ABCC11: variants seen among roughly 807,000 people sequenced by gnomAD.
The protein encoded by ABCC11 is ATP-binding cassette sub-family C member 11.
A neutral mutation model predicts 149.3 loss-of-function variants in ABCC11; 135 were observed. The observed-to-expected ratio is 0.90, with a 90% confidence interval of 0.79 to 1.04. The LOEUF (loss-of-function observed/expected upper bound fraction) is 1.04. Among genes scored for constraint, ABCC11 ranks in the 50% least tolerant of loss-of-function variants. The pLI is 0.00. For missense variants in ABCC11, 1,680 were observed against 1,722.1 expected, an observed-to-expected ratio of 0.98 and a Z score of 0.43; for synonymous variants, 665 against 671.4, an observed-to-expected ratio of 0.99 and a Z score of 0.15.
At chr16:48,167,761 G>A in intron 28 of ABCC11, 101 bp from the exon 29 acceptor site, 4 of 1,337,402 alleles carry the variant, frequency 3.0e-6, no homozygotes, top group Non-Finnish European at 4.1e-6. Context: ...TTCCTCTCCA[G>A]GTCTCCATTT....
chr16:48,227,069 C>T (rs572705083), intron 4 of ABCC11, among the ~76,000 whole-genome samples: 38 of 152,306 alleles, frequency 2.5e-4, no homozygotes, highest in African/African-American at 7.9e-4. Context: ...AACTAGTTAG[C>T]GGTGGCTTGA....
intron 17 of ABCC11, among the ~76,000 whole-genome samples, chr16:48,197,138 A>G (rs189536715): frequency 1.9e-3 from 293 of 152,308 alleles, no homozygotes; most frequent in African/African-American, 6.7e-3. Flanking sequence ...CAGCCTAGGC[A>G]ACATGGTGAA....
chr16:48,226,105 C>T (rs1970053133), intron 4 of ABCC11, among the ~76,000 whole-genome samples: 1 of 127,660 alleles, frequency 7.8e-6, no homozygotes, highest in African/African-American at 3.3e-5. Flanking sequence ...GAAATGGAGT[C>T]TCACTCTGTC....
At position 48,184,606 on chromosome 16, in the gene ABCC11, G is replaced by A. The variant is rs1335954608; in HGVS notation, c.3092C>T (p.Ala1031Val). 9.9e-6 allele frequency: 16 copies of A among 1,613,950 alleles called. No individual in the cohort carries two copies. The highest frequency in any genetic ancestry group is 2.7e-5 in the African/African-American group (2 of 74,926). ...FISQFKRLTD[A>V]QNNYLLLFLS... ...AAACAACAGCAGGTAGTTATTCTGC[G>A]CATCAGTCAGCCTCTTAAACCTGAG... The change falls in exon 23 of 30, where the codon GCG (alanine) becomes GTG (valine). Residue 1031 changes from alanine to valine, a missense_variant. By Grantham distance (64) the Ala-to-Val change is moderately conservative. Coordinates refer to ENST00000356608, the MANE Select transcript of ABCC11 (RefSeq NM_001370497.1).
intron 1 of ABCC11, among the ~76,000 whole-genome samples, chr16:48,246,883 T>C (rs112800343): frequency 0.015 from 2,248 of 152,256 alleles, 61 homozygotes; most frequent in African/African-American, 0.052. Flanking sequence ...AGGTTTTTAA[T>C]TTATTTTATG....
intron 1 of ABCC11, among the ~76,000 whole-genome samples, chr16:48,235,506 C>T (rs1261359754): frequency 6.6e-6 from 1 of 152,200 alleles, no homozygotes; most frequent in Non-Finnish European, 1.5e-5. Flanking sequence ...GTTTGCAGAA[C>T]ATCAGTCGCT....
At chr16:48,231,508 TA>T (rs1439905444) in intron 2 of ABCC11, among the ~76,000 whole-genome samples, 1 of 151,550 alleles carries the variant, frequency 6.6e-6, no homozygotes, top group African/African-American at 2.4e-5. Flanking sequence ...GTGAAAAATT[TA>T]AAAATTAGCT....
chr16:48,207,192 G>A (rs1035405472), intron 12 of ABCC11, among the ~76,000 whole-genome samples: 9 of 152,154 alleles, frequency 5.9e-5, no homozygotes, highest in African/African-American at 1.4e-4. Flanking sequence ...GAAGAAGGGG[G>A]AAGAGATGGC....
At chr16:48,188,181 C>T (rs1384779979) in intron 20 of ABCC11, among the ~76,000 whole-genome samples, 1 of 152,248 alleles carries the variant, frequency 6.6e-6, no homozygotes, top group African/African-American at 2.4e-5. Flanking sequence ...GGTAGCCCTG[C>T]TCTGCAGGGT....
chr16:48,182,680 G>A (rs1966515759), intron 23 of ABCC11, among the ~76,000 whole-genome samples: 1 of 151,990 alleles, frequency 6.6e-6, no homozygotes, highest in Non-Finnish European at 1.5e-5. Context: ...TTACTTGGGA[G>A]GCTGAGGCAG....
At position 48,175,308 on chromosome 16, in the gene ABCC11, G is replaced by A; in HGVS notation, c.3648C>T (p.Ser1216=). ...ICSIGLEDLR[S]KLSVIPQDPV... ...GATCTTGAGGGATCACTGAGAGCTT[G>A]GACCGCAAGTCCTCCAGGCCGATGC... is the stretch of plus-strand genomic sequence containing the variant. Residue 1216 remains serine, a synonymous_variant, in exon 26 of 30, where the codon TCC becomes TCT. Transcript: ENST00000356608. 30 of 1,614,136 alleles carry A rather than the reference G, an allele frequency of 1.9e-5. No homozygotes were observed. The highest frequency in any genetic ancestry group is 2.5e-5 in the Non-Finnish European group (29 of 1,179,952).
At chr16:48,177,771 C>T (rs980052483) in intron 24 of ABCC11, among the ~76,000 whole-genome samples, 1 of 152,226 alleles carries the variant, frequency 6.6e-6, no homozygotes, top group South Asian at 2.1e-4. Flanking sequence ...ACAGCAGCAT[C>T]CCTGGGCAGG....
Position 48,178,612 on chromosome 16 carries a change from T to C in ABCC11, c.3333A>G (p.Ile1111Met). ...TEAQFTAVER[I>M]LQYMKMCVSE... ...TGAACCCCACCTTCATGTACTGCAGTATCCTCTCTACAGCCGTGAACTGTG... is the reference window on the plus strand; with the variant it reads ...TGAACCCCACCTTCATGTACTGCAGCATCCTCTCTACAGCCGTGAACTGTG... The change falls in exon 24 of 30, where the codon ATA becomes ATG. Residue 1111 changes from isoleucine (I) to methionine (M), a missense_variant. Physicochemically the swap from Ile to Met is conservative, Grantham distance 10. Coordinates refer to ENST00000356608, the MANE Select transcript of ABCC11 (RefSeq NM_001370497.1). 1.2e-6 allele frequency: 2 copies of C among 1,614,050 alleles called. No individual in the cohort carries two copies. Among genetic ancestry groups the C allele is most frequent in the Non-Finnish European group, 1.7e-6 (2 of 1,179,994 alleles).
rs541694519 is a variant in ABCC11 at position 48,177,440 on chromosome 16, G to C, written c.3349-327C>G. On this transcript the variant is annotated intron_variant, in intron 24 of 29. Coordinates refer to ENST00000356608, the MANE Select transcript of ABCC11 (RefSeq NM_001370497.1). Reference sequence around the variant, plus strand: ...AAGGCAGCAGAGACTCCCCCCTTCGGGGGGGTTCATAGCTCAGAGCCCTTG... The same window carrying C: ...AAGGCAGCAGAGACTCCCCCCTTCGCGGGGGTTCATAGCTCAGAGCCCTTG... 3.3e-5 allele frequency among the ~76,000 whole-genome samples: 5 copies of C among 152,338 alleles called. No individual in the cohort carries two copies. In the South Asian group the frequency reaches 8.3e-4, roughly 25 times the overall value.
chr16:48,188,694 T>C (rs568131664), intron 20 of ABCC11, among the ~76,000 whole-genome samples: 63 of 152,318 alleles, frequency 4.1e-4, no homozygotes, highest in African/African-American at 1.5e-3. Flanking sequence ...ATTACGCAAG[T>C]GGTTAATGGC....
intron 23 of ABCC11, among the ~76,000 whole-genome samples, chr16:48,182,284 G>C (rs1030746397): frequency 6.6e-6 from 1 of 152,166 alleles, no homozygotes; most frequent in Non-Finnish European, 1.5e-5. Context: ...ACACGCACAT[G>C]CCTGTGTGTG....
chr16:48,216,346 GGC>G, intron 6 of ABCC11, 59 bp from the exon 7 acceptor site: 9 of 1,559,458 alleles, frequency 5.8e-6, no homozygotes, highest in Non-Finnish European at 7.9e-6. Flanking sequence ...CAGAAGGGGT[GGC>G]AGGTGGCCTC....
intron 20 of ABCC11, among the ~76,000 whole-genome samples, chr16:48,189,701 T>C (rs1222609817): frequency 6.6e-6 from 1 of 152,182 alleles, no homozygotes; most frequent in African/African-American, 2.4e-5. Flanking sequence ...GAGACCACCT[T>C]GAGGGCCGAG....
rs1968871973 is a variant in ABCC11, at chr16:48,210,978, C to T, written c.1578G>A (p.Glu526=). 6.2e-7 allele frequency: 1 copy of T among 1,614,204 alleles called. No individual in the cohort carries two copies. The highest frequency in any genetic ancestry group is 8.5e-7 in the Non-Finnish European group (1 of 1,180,048). Residue 526 remains glutamate (E), a synonymous_variant, in exon 11 of 30, where the codon GAG becomes GAA. Coordinates refer to ENST00000356608, the MANE Select transcript of ABCC11 (RefSeq NM_001370497.1). ...PEEEGNSLGP[E]LHKINLVVSK... The stretch of plus-strand genomic sequence containing the variant: ...ACACCACCAGGTTGATCTTGTGCAA[C>T]TCTGGGCCCAGGCTGTTCCCTTCTT...
Sources: allele counts gnomAD v4.1 joint callset (sites outside exome capture counted in the v4.1 genomes callset), GRCh38; gene constraint gnomAD v4.1.1; transcripts MANE v1.5; gene names NCBI Gene and HGNC (gene_info 2026-07-23, HGNC 2026-07-21).